The following KIF20B variants were observed in gnomAD, a reference collection of about 807,000 sequenced individuals.
KIF20B encodes kinesin-like protein KIF20B.
KIF20B carries 188 observed loss-of-function variants against 232.5 expected under a neutral mutation model. The ratio of observed to expected loss-of-function variants is 0.81; its 90% CI spans 0.72 to 0.91. KIF20B has a LOEUF of 0.91. Ranked by LOEUF, KIF20B falls within the 40% of genes least tolerant of loss-of-function variation. The pLI is 0.00. For synonymous variants in KIF20B, 712 were observed against 683.0 expected (o/e 1.04, Z -0.66); for missense variants, 2,154 against 2,055.9 (o/e 1.05, Z -0.92).
In KIF20B at chr10:89,733,061, T is replaced by C; in HGVS notation, c.2545+5T>C. 1 of 1,613,278 alleles carries C rather than the reference T, an allele frequency of 6.2e-7. No homozygotes were observed. The highest frequency in any genetic ancestry group is 8.5e-7 in the Non-Finnish European group (1 of 1,179,480). On this transcript the variant is annotated splice_donor_5th_base_variant and intron_variant, in intron 19 of 32. Transcript: ENST00000371728. The stretch of plus-strand genomic sequence containing the variant: ...ATGAACCACCAGCAAAGAAAGGTAC[T>C]ACTTCAGCTGCCAGCAGCAGGCGTT...
intron 22 of KIF20B, among the ~76,000 whole-genome samples, chr10:89,745,516 C>T (rs931959621): frequency 6.6e-6 from 1 of 151,882 alleles, no homozygotes; most frequent in Non-Finnish European, 1.5e-5. Context: ...GAGGGAGACT[C>T]CATCTCAAAA....
At chr10:89,721,157 A>C (rs1298319227) in intron 13 of KIF20B, among the ~76,000 whole-genome samples, 1 of 152,232 alleles carries the variant, frequency 6.6e-6, no homozygotes, top group Non-Finnish European at 1.5e-5. Flanking sequence ...GGATTGCAGA[A>C]GTATAAGTAG....
Position 89,768,888 on chromosome 10 carries a change from G to C in KIF20B, c.5242G>C (p.Ala1748Pro). The change falls in exon 31 of 33, where the codon GCA becomes CCA. Residue 1748 changes from alanine to proline, a missense_variant and splice_region_variant. Ala to Pro is a conservative substitution (Grantham distance 27). Coordinates refer to ENST00000371728, the MANE Select transcript of KIF20B (RefSeq NM_001284259.2). ...QHSPSILQSK[A>P]KKIIETMSSS... is the part of the protein sequence containing the mutation. Reference sequence around the variant, plus strand: ...TTCTCCCTCAATTCTTCAATCAAAAGGTTTGCAGAAAATTAATTAAATGAC... The same window carrying C: ...TTCTCCCTCAATTCTTCAATCAAAACGTTTGCAGAAAATTAATTAAATGAC... The C allele has an allele frequency of 6.3e-7, 1 of 1,579,984 alleles. No homozygotes were observed. The highest frequency in any genetic ancestry group is 2.2e-5 in the East Asian group (1 of 44,514).
At chr10:89,710,553 T>A (rs1405380219) in intron 5 of KIF20B, among the ~76,000 whole-genome samples, 1 of 152,178 alleles carries the variant, frequency 6.6e-6, no homozygotes, top group Non-Finnish European at 1.5e-5. Context: ...TAATTCAAAT[T>A]TATTTAATTC....
chr10:89,724,436 C>T (rs1486349159), intron 14 of KIF20B, among the ~76,000 whole-genome samples: 3 of 151,784 alleles, frequency 2.0e-5, no homozygotes, highest in Admixed American at 6.6e-5. Flanking sequence ...GGCTGAGGCA[C>T]GAGAATCTCT....
chr10:89,756,271 G>A (rs1057171762), intron 26 of KIF20B, among the ~76,000 whole-genome samples: 6 of 152,146 alleles, frequency 3.9e-5, no homozygotes, highest in African/African-American at 7.2e-5. Flanking sequence ...TACAGAACTA[G>A]CACATAGAAT....
intron 5 of KIF20B, among the ~76,000 whole-genome samples, 172 bp from the exon 6 acceptor site, chr10:89,710,789 G>C (rs996582211): frequency 2.0e-5 from 3 of 152,132 alleles, no homozygotes; most frequent in Non-Finnish European, 4.4e-5. Context: ...ATAAAATGTT[G>C]GTAATACTGT....
In KIF20B at chr10:89,718,834, A is replaced by G; in HGVS notation, c.1396A>G (p.Thr466Ala). 1 of 1,604,636 alleles carries G rather than the reference A, an allele frequency of 6.2e-7. No individual in the cohort carries two copies. The change falls in exon 12 of 33, where the codon ACA (threonine) becomes GCA (alanine). Residue 466 changes from threonine (T) to alanine (A), a missense_variant. By Grantham distance (58) the Thr-to-Ala change is moderately conservative. Transcript: ENST00000371728. Reference protein sequence around the residue: ...ISQCYLAYDETLNVLKFSAIA... With the variant: ...ISQCYLAYDEALNVLKFSAIA... Reference sequence around the variant, plus strand: ...CCAATGTTATTTAGCCTATGATGAAACACTCAATGTATTGAAGTTCTCCGC... The same window carrying G: ...CCAATGTTATTTAGCCTATGATGAAGCACTCAATGTATTGAAGTTCTCCGC...
intron 22 of KIF20B, among the ~76,000 whole-genome samples, chr10:89,745,634 C>T (rs1376351400): frequency 3.3e-5 from 5 of 151,272 alleles, no homozygotes; most frequent in South Asian, 2.1e-4. Flanking sequence ...CTCGCTTTGT[C>T]GCCAGGCTGG....
chr10:89,710,175 C>A, intron 5 of KIF20B, 110 bp downstream of exon 5: 1 of 950,300 alleles, frequency 1.1e-6, no homozygotes, highest in East Asian at 2.8e-5. Flanking sequence ...TATGCGTTTG[C>A]TCTATTTTTA....
chr10:89,762,770 T>C lies in KIF20B; in HGVS notation c.4924T>C (p.Cys1642Arg), dbSNP rs1409789695. ...PNKMAVKHPG[C>R]TTPVTVKIPK... ...CAAAATGGCAGTGAAACACCCTGGT[T>C]GTACCACACCAGTGACAGTTAAGAT... The change falls in exon 29 of 33, where the codon TGT (cysteine) becomes CGT (arginine). Residue 1642 changes from cysteine (C) to arginine (R), a missense_variant. Transcript: ENST00000371728. The C allele has an allele frequency of 6.2e-7, 1 of 1,613,482 alleles. No individual in the cohort carries two copies. Among genetic ancestry groups the C allele is most frequent in the Admixed American group, 1.7e-5 (1 of 59,902 alleles).
intron 16 of KIF20B, among the ~76,000 whole-genome samples, chr10:89,726,824 T>C (rs1180261670): frequency 6.6e-6 from 1 of 150,520 alleles, no homozygotes; most frequent in Non-Finnish European, 1.5e-5. Flanking sequence ...ATATATTTTT[T>C]ATGACAGCGT....
chr10:89,719,851 A>C (rs556154434), intron 13 of KIF20B, 145 bp downstream of exon 13: 1 of 622,866 alleles, frequency 1.6e-6, no homozygotes, highest in Non-Finnish European at 2.8e-6. Flanking sequence ...TTTCAAACCT[A>C]TAGAAAGACT....
rs12572012 is a variant in KIF20B at position 89,727,892 on chromosome 10, A to T, written c.2267A>T (p.Asn756Ile). ...DSLIQELETS[N>I]KKIITQNQRI... ...TTGATTCAAGAGCTTGAGACATCTA[A>T]TAAGGTAATGCTTTAAGTTTTATTT... Residue 756 changes from asparagine to isoleucine, a missense_variant, in exon 17 of 33, where the codon AAT (asparagine) becomes ATT (isoleucine). Physicochemically the swap from Asn to Ile is moderately radical, Grantham distance 149 (BLOSUM62 -3). Coordinates refer to ENST00000371728, the MANE Select transcript of KIF20B (RefSeq NM_001284259.2). 0.2 allele frequency: 313,403 copies of T among 1,536,074 alleles called. 34,622 individuals are homozygous for T. Among genetic ancestry groups the T allele is most frequent in the East Asian group, 0.33 (14,328 of 43,112 alleles).
At chr10:89,708,899 T>C (rs1183222106) in intron 2 of KIF20B, among the ~76,000 whole-genome samples, 2 of 152,198 alleles carry the variant, frequency 1.3e-5, no homozygotes, top group Non-Finnish European at 2.9e-5. Flanking sequence ...TCATTAATTA[T>C]ATTAGGCTTT....
In KIF20B at chr10:89,716,342, A is replaced by G. The variant is rs548762395; in HGVS notation, c.941-94A>G. The G allele has an allele frequency of 1.1e-4, 63 of 595,140 alleles. No individual in the cohort carries two copies. The African/African-American group carries it at 1.1e-3, about 11-fold the overall frequency. The allele number at this position is 595,140 out of a possible 1,614,324, so 36.9% of individuals were successfully genotyped here. A position where few individuals can be genotyped will look rare whatever the true frequency, so the allele number is the denominator to read the frequency against. On this transcript the variant is annotated intron_variant, in intron 8 of 32. Transcript: ENST00000371728. Reference sequence around the variant, plus strand: ...GTGTTGTTAGAAGAAAGATTTCATTATATGTCACTAGGAAAAGACTTTCAA... The same window carrying G: ...GTGTTGTTAGAAGAAAGATTTCATTGTATGTCACTAGGAAAAGACTTTCAA...
intron 22 of KIF20B, among the ~76,000 whole-genome samples, chr10:89,744,193 C>A (rs912024672): frequency 6.6e-6 from 1 of 152,082 alleles, no homozygotes; most frequent in Non-Finnish European, 1.5e-5. Context: ...ACCACTTTAA[C>A]CAAGTGTTTA....
chr10:89,740,412 C>T (rs1383517609), intron 21 of KIF20B, among the ~76,000 whole-genome samples: 2 of 152,098 alleles, frequency 1.3e-5, no homozygotes, highest in African/African-American at 4.8e-5. Flanking sequence ...TACCACCCTC[C>T]TAAGACCTCA....
intron 12 of KIF20B, 65 bp from the exon 13 acceptor site, chr10:89,719,354 A>C (rs1252269512): frequency 8.7e-7 from 1 of 1,145,374 alleles, no homozygotes; most frequent in Non-Finnish European, 1.2e-6. Context: ...TTTATAAAAT[A>C]ATCATTTTCT....
Sources: allele counts gnomAD v4.1 joint callset (sites outside exome capture counted in the v4.1 genomes callset), GRCh38; gene constraint gnomAD v4.1.1; transcripts MANE v1.5; gene names NCBI Gene and HGNC (gene_info 2026-07-23, HGNC 2026-07-21).